KHDRBS2: variants seen among roughly 807,000 people sequenced by gnomAD.
KHDRBS2 encodes KH RNA binding domain containing, signal transduction associated 2.
A neutral mutation model predicts 44.3 loss-of-function variants in KHDRBS2; 26 were observed. The observed-to-expected ratio is 0.59, with a 90% CI of 0.43 to 0.81. KHDRBS2 has a LOEUF of 0.81. Among genes scored for constraint, KHDRBS2 ranks in the 40% least tolerant of loss-of-function variants. The pLI, the probability that KHDRBS2 is intolerant of heterozygous loss-of-function variation, is 0.00. For synonymous variants in KHDRBS2, 194 were observed against 151.1 expected (o/e 1.28, Z -2.08); for missense variants, 476 against 433.1 (o/e 1.10, Z -0.88).
the KHDRBS2 span, among the ~76,000 whole-genome samples, chr6:61,643,398 G>T: frequency 2.0e-5 from 3 of 152,084 alleles, no homozygotes; most frequent in Admixed American, 2.0e-4. Flanking sequence ...TTGAAAACAG[G>T]CATAAGACAA....
intron 2 of KHDRBS2, among the ~76,000 whole-genome samples, chr6:62,129,458 T>C (rs981824137): frequency 6.6e-6 from 1 of 152,150 alleles, no homozygotes; most frequent in African/African-American, 2.4e-5. Context: ...AACTATATTT[T>C]TGGTAGAGTG....
chr6:62,156,691 TCAGGCTGGAGTGCAGTG>T (rs1190376030), intron 2 of KHDRBS2, among the ~76,000 whole-genome samples: 75 of 152,164 alleles, frequency 4.9e-4, no homozygotes, highest in African/African-American at 1.4e-3. Flanking sequence ...GCTCTGTCTC[TCAGGCTGGAGTGCAGTG>T]CAGGCTGGAG....
intron 2 of KHDRBS2, among the ~76,000 whole-genome samples, chr6:62,077,820 T>C (rs957106862): frequency 1.3e-5 from 2 of 152,018 alleles, no homozygotes; most frequent in African/African-American, 2.4e-5. Flanking sequence ...AATTAATTGA[T>C]AAATGAATAA....
chr6:62,028,702 T>A (rs1242679906), intron 3 of KHDRBS2, among the ~76,000 whole-genome samples: 1 of 152,078 alleles, frequency 6.6e-6, no homozygotes, highest in African/African-American at 2.4e-5. Context: ...TGCATGTGGA[T>A]ATGTGTGTGA....
the KHDRBS2 span, among the ~76,000 whole-genome samples, chr6:61,577,853 A>G: frequency 6.6e-6 from 1 of 152,194 alleles, no homozygotes; most frequent in South Asian, 2.1e-4. Flanking sequence ...GAGAGCTGTA[A>G]ACATTTTAGT....
chr6:61,899,339 A>G (rs976498519), intron 5 of KHDRBS2, among the ~76,000 whole-genome samples: 1 of 151,916 alleles, frequency 6.6e-6, no homozygotes, highest in African/African-American at 2.4e-5. Context: ...GAAGACAACA[A>G]AATTCTGTTT....
At position 62,286,184 on chromosome 6, in the gene KHDRBS2, G is replaced by A. The variant is rs1159247506; in HGVS notation, c.-236C>T. On this transcript the variant is annotated 5_prime_UTR_variant, in exon 1 of 9. Coordinates refer to ENST00000281156, the MANE Select transcript of KHDRBS2 (RefSeq NM_152688.4). ...TCGTCCCTCGCTCGCGCAGAGCCCCGGCTCACACCAGCGGCCTTAACTGGA... is the reference window on the plus strand; with the variant it reads ...TCGTCCCTCGCTCGCGCAGAGCCCCAGCTCACACCAGCGGCCTTAACTGGA... 3 of 532,944 alleles carry A rather than the reference G, an allele frequency of 5.6e-6. No homozygotes were observed. The highest frequency in any genetic ancestry group is 4.1e-5 in the African/African-American group (2 of 49,070). 33.0% of individuals were successfully genotyped at this position (532,944 alleles called of 1,614,324 possible). A position where few individuals can be genotyped will look rare whatever the true frequency, so the allele number is the denominator to read the frequency against.
At chr6:62,015,949 G>A (rs1037478396) in intron 3 of KHDRBS2, among the ~76,000 whole-genome samples, 4 of 152,134 alleles carry the variant, frequency 2.6e-5, no homozygotes, top group African/African-American at 9.7e-5. Context: ...GAGAGATGGT[G>A]CCATTTATAC....
chr6:61,729,765 T>G (rs1321116006), intron 7 of KHDRBS2, among the ~76,000 whole-genome samples: 1 of 152,130 alleles, frequency 6.6e-6, no homozygotes, highest in African/African-American at 2.4e-5. Flanking sequence ...CAGTTCAAAT[T>G]TTTTTGCCCA....
intron 1 of KHDRBS2, among the ~76,000 whole-genome samples, chr6:62,271,294 T>G (rs558827426): frequency 1.3e-5 from 2 of 152,152 alleles, no homozygotes. Flanking sequence ...GGTTTAGCCA[T>G]CCTAATATCT....
chr6:61,909,028 G>T (rs778802788), intron 4 of KHDRBS2, among the ~76,000 whole-genome samples: 1 of 151,668 alleles, frequency 6.6e-6, no homozygotes, highest in East Asian at 1.9e-4. Context: ...AACCTTTAAA[G>T]AATCTACTGG....
intron 6 of KHDRBS2, among the ~76,000 whole-genome samples, chr6:61,811,038 G>A (rs1159964282): frequency 6.6e-6 from 1 of 151,968 alleles, no homozygotes; most frequent in African/African-American, 2.4e-5. Flanking sequence ...TGAGGCTTGG[G>A]CTTCTATTTA....
chr6:61,693,480 T>A (rs1767583529), intron 8 of KHDRBS2, among the ~76,000 whole-genome samples: 1 of 152,176 alleles, frequency 6.6e-6, no homozygotes, highest in South Asian at 2.1e-4. Context: ...CATGACCATA[T>A]GAATCTAGAG....
At chr6:62,065,850 A>G (rs1357652656) in intron 2 of KHDRBS2, among the ~76,000 whole-genome samples, 2 of 151,838 alleles carry the variant, frequency 1.3e-5, no homozygotes, top group Non-Finnish European at 2.9e-5. Context: ...TATAAAAATG[A>G]TTCAACATGA....
At chr6:62,270,214 A>G (rs1189722556) in intron 1 of KHDRBS2, among the ~76,000 whole-genome samples, 13 of 151,892 alleles carry the variant, frequency 8.6e-5, no homozygotes, top group Admixed American at 2.6e-4. Context: ...CCTACAGTAA[A>G]GAGTAAGTTC....
At chr6:62,182,681 G>T (rs934731461) in intron 1 of KHDRBS2, among the ~76,000 whole-genome samples, 1 of 151,628 alleles carries the variant, frequency 6.6e-6, no homozygotes, top group Non-Finnish European at 1.5e-5. Context: ...ATTTTGTTTT[G>T]TTTTACAATA....
At chr6:61,976,513 G>A (rs1429889151) in intron 4 of KHDRBS2, among the ~76,000 whole-genome samples, 2 of 151,408 alleles carry the variant, frequency 1.3e-5, no homozygotes, top group Non-Finnish European at 2.9e-5. Context: ...TAATAACTAT[G>A]CAGAAAATCA....
At chr6:61,802,783 G>C (rs972128723) in intron 6 of KHDRBS2, among the ~76,000 whole-genome samples, 1 of 152,042 alleles carries the variant, frequency 6.6e-6, no homozygotes, top group African/African-American at 2.4e-5. Context: ...CAAATGCTTT[G>C]TTTTCATCTA....
At chr6:61,921,893 C>G (rs1486515769) in intron 4 of KHDRBS2, among the ~76,000 whole-genome samples, 1 of 151,932 alleles carries the variant, frequency 6.6e-6, no homozygotes, top group Non-Finnish European at 1.5e-5. Context: ...CATTGCCAGA[C>G]TTTCCATAAT....
Sources: allele counts gnomAD v4.1 joint callset (sites outside exome capture counted in the v4.1 genomes callset), GRCh38; gene constraint gnomAD v4.1.1; transcripts MANE v1.5; gene names NCBI Gene and HGNC (gene_info 2026-07-23, HGNC 2026-07-21).